The following CDH12 variants were observed in gnomAD, a reference collection of about 807,000 sequenced individuals.
The protein encoded by CDH12 is cadherin 12.
In CDH12, 41 loss-of-function variants were observed where a neutral mutation model predicts 74.1. The ratio of observed to expected loss-of-function variants is 0.55; its 90% confidence interval spans 0.43 to 0.72. CDH12 has a LOEUF of 0.72. CDH12 is among the 30% of genes least tolerant of loss of function. The probability of loss-of-function intolerance (pLI) is 0.00; values close to 1 mark genes in which losing one functional copy is unlikely to be tolerated. For missense variants in CDH12, 945 were observed against 977.2 expected, an observed-to-expected ratio of 0.97 and a Z score of 0.44; for synonymous variants, 399 against 355.0, an observed-to-expected ratio of 1.12 and a Z score of -1.39.
chr5:22,531,569 A>T (rs575694508), intron 1 of CDH12, among the ~76,000 whole-genome samples: 132 of 152,278 alleles, frequency 8.7e-4, no homozygotes, highest in African/African-American at 2.9e-3. Context: ...TATCTCCTTA[A>T]ACTTAGAATA....
intron 1 of CDH12, among the ~76,000 whole-genome samples, chr5:22,519,834 T>C (rs1409626955): frequency 3.3e-5 from 5 of 152,222 alleles, no homozygotes; most frequent in Non-Finnish European, 7.3e-5. Context: ...ACATATATTA[T>C]GTAGTTCATG....
intron 4 of CDH12, among the ~76,000 whole-genome samples, chr5:22,098,932 A>G (rs910582797): frequency 2.0e-5 from 3 of 152,124 alleles, no homozygotes; most frequent in African/African-American, 7.2e-5. Context: ...TTTCCATTGT[A>G]GAAATCTATC....
At chr5:22,052,291 G>T (rs888589034) in intron 5 of CDH12, among the ~76,000 whole-genome samples, 1 of 151,958 alleles carries the variant, frequency 6.6e-6, no homozygotes, top group Middle Eastern at 3.2e-3. Flanking sequence ...GAGTTTTGTT[G>T]CTGTTTTATT....
chr5:22,852,212 T>A (rs1737588911), intron 1 of CDH12, among the ~76,000 whole-genome samples: 1 of 152,052 alleles, frequency 6.6e-6, no homozygotes, highest in Non-Finnish European at 1.5e-5. Flanking sequence ...CTCCAGAGAG[T>A]ACAGAGAAAT....
intron 4 of CDH12, among the ~76,000 whole-genome samples, chr5:22,080,413 AAAAAT>A (rs538097290): frequency 4.6e-5 from 7 of 152,186 alleles, no homozygotes; most frequent in African/African-American, 1.7e-4. Flanking sequence ...CAAACCTAAA[AAAAAT>A]AAAATAAAAC....
At chr5:21,925,083 A>C (rs1470327321) in intron 6 of CDH12, among the ~76,000 whole-genome samples, 3 of 152,322 alleles carry the variant, frequency 2.0e-5, no homozygotes, top group Non-Finnish European at 2.9e-5. Context: ...AAAGAAAAAA[A>C]TTCCCAGCTA....
chr5:22,202,392 G>A (rs998722819), intron 4 of CDH12, among the ~76,000 whole-genome samples: 1 of 152,150 alleles, frequency 6.6e-6, no homozygotes, highest in Non-Finnish European at 1.5e-5. Flanking sequence ...ATTTTAGGTA[G>A]AATGGTAAGA....
chr5:22,456,224 T>A (rs950282528), intron 2 of CDH12, among the ~76,000 whole-genome samples: 13 of 132,864 alleles, frequency 9.8e-5, no homozygotes, highest in Non-Finnish European at 1.6e-4. Flanking sequence ...ATGCTTTTTT[T>A]AAATGTTTTG....
chr5:22,135,639 G>A (rs181204718), intron 4 of CDH12, among the ~76,000 whole-genome samples: 1 of 151,934 alleles, frequency 6.6e-6, no homozygotes, highest in African/African-American at 2.4e-5. Context: ...CAGCATGTCT[G>A]AAGAATGAAG....
intron 3 of CDH12, among the ~76,000 whole-genome samples, chr5:22,392,614 G>C (rs78844818): frequency 1.7e-3 from 258 of 152,272 alleles, no homozygotes; most frequent in African/African-American, 5.9e-3. Flanking sequence ...CCAACAGTGA[G>C]GCCAGAGAGG....
intron 1 of CDH12, among the ~76,000 whole-genome samples, chr5:22,666,312 C>T (rs1268796565): frequency 5.8e-5 from 6 of 103,952 alleles, no homozygotes; most frequent in Admixed American, 1.5e-4. Flanking sequence ...GTTTTTGAGA[C>T]GGAGTCTGTC....
intron 4 of CDH12, among the ~76,000 whole-genome samples, chr5:22,117,470 T>TATATATATA: frequency 1.3e-4 from 9 of 67,172 alleles, no homozygotes; most frequent in African/African-American, 5.2e-4. Flanking sequence ...ATATATATAA[T>TATATATATA]ATATATATTA....
At chr5:22,100,419 A>G (rs1744070275) in intron 4 of CDH12, among the ~76,000 whole-genome samples, 2 of 152,218 alleles carry the variant, frequency 1.3e-5, no homozygotes, top group Non-Finnish European at 2.9e-5. Flanking sequence ...AGAAACATTT[A>G]GTAAGCAGCA....
At chr5:22,554,613 G>A (rs547618123) in intron 1 of CDH12, among the ~76,000 whole-genome samples, 8 of 152,192 alleles carry the variant, frequency 5.3e-5, no homozygotes, top group Admixed American at 2.0e-4. Flanking sequence ...CTGGTGAGTG[G>A]ACATCCCATT....
chr5:21,761,742 T>TACAGATAG lies in CDH12; in HGVS notation c.1516-1068_1516-1067insCTATCTGT, dbSNP rs1554027352. Among the ~76,000 whole-genome samples, 3 of 147,346 alleles carry TACAGATAG rather than the reference T, an allele frequency of 2.0e-5. No homozygotes were observed. In the South Asian group the frequency reaches 6.6e-4, roughly 32 times the overall value. On this transcript the variant is annotated intron_variant, in intron 12 of 14. Coordinates refer to ENST00000382254, the MANE Select transcript of CDH12 (RefSeq NM_004061.5). ...GTAGGTAGATGGATGGATGGATAGA[T>TACAGATAG]ATAGATAGATAGATAGATAGATAGA...
At chr5:21,936,883 C>T (rs1755097061) in intron 6 of CDH12, among the ~76,000 whole-genome samples, 2 of 152,078 alleles carry the variant, frequency 1.3e-5, no homozygotes, top group African/African-American at 4.8e-5. Flanking sequence ...GTAAGACTTG[C>T]CTTGCTTTCC....
Position 22,278,190 on chromosome 5 carries a change from A to T in CDH12, c.-332-65547T>A, listed in dbSNP as rs1271427062. The T allele has an allele frequency of 2.0e-5, 3 of 152,222 alleles. No individual in the cohort carries two copies. The East Asian group carries it at 5.8e-4, about 29-fold the overall frequency. The allele number at this position is 152,222 out of a possible 1,614,324, so 9.4% of individuals were successfully genotyped here. A position where few individuals can be genotyped will look rare whatever the true frequency, so the allele number is the denominator to read the frequency against. ...AAAAACAAAATAAATTATCATAGAA[A>T]TCAGTAATGCAAAAATCCAAGTTGC... On this transcript the variant is annotated intron_variant, in intron 3 of 14. Coordinates refer to ENST00000382254, the MANE Select transcript of CDH12 (RefSeq NM_004061.5).
intron 4 of CDH12, among the ~76,000 whole-genome samples, chr5:22,188,580 G>C (rs559400429): frequency 1.3e-5 from 2 of 152,236 alleles, no homozygotes; most frequent in South Asian, 4.1e-4. Flanking sequence ...GATTGCTGCA[G>C]CTAAATCTGA....
At chr5:22,313,856 A>G (rs534661071) in intron 3 of CDH12, among the ~76,000 whole-genome samples, 5 of 152,108 alleles carry the variant, frequency 3.3e-5, no homozygotes, top group African/African-American at 4.8e-5. Flanking sequence ...AAATCTACGC[A>G]TTAGGTACAA....
Sources: gnomAD v4.1 joint callset for allele counts (sites outside exome capture counted in the v4.1 genomes callset) on GRCh38, gnomAD v4.1.1 for gene constraint, MANE v1.5 for transcripts, NCBI Gene and HGNC (gene_info 2026-07-23, HGNC 2026-07-21) for gene names.